SLC1A2: variants seen among roughly 807,000 people sequenced by gnomAD.
The protein encoded by SLC1A2 is excitatory amino acid transporter 2.
In SLC1A2, 15 loss-of-function variants were observed where a neutral mutation model predicts 48.8. That is an observed-to-expected ratio of 0.31 (90% CI 0.21 to 0.47). The LOEUF is 0.47. Ranked by LOEUF, SLC1A2 falls within the 20% of genes least tolerant of loss-of-function variation. SLC1A2 has a pLI of 0.99. For synonymous variants in SLC1A2, 279 were observed against 272.6 expected (o/e 1.02, Z -0.23); for missense variants, 502 against 730.5 (o/e 0.69, Z 3.61).
At chr11:35,404,930 T>C (rs1855239599) in intron 1 of SLC1A2, among the ~76,000 whole-genome samples, 1 of 152,178 alleles carries the variant, frequency 6.6e-6, no homozygotes, top group Non-Finnish European at 1.5e-5. Flanking sequence ...GCAGTTTGAG[T>C]GCCCTGGCTC....
intron 1 of SLC1A2, among the ~76,000 whole-genome samples, chr11:35,349,214 G>A (rs1444575469): frequency 6.6e-6 from 1 of 152,176 alleles, no homozygotes; most frequent in Non-Finnish European, 1.5e-5. Context: ...TTGAGGTGTG[G>A]ACGATACAGA....
In SLC1A2 at chr11:35,419,257, CGA is replaced by C. The variant is rs1280273934; in HGVS notation, c.-293_-292del. The C allele has an allele frequency of 5.3e-6, 2 of 379,634 alleles. No individual in the cohort carries two copies. Among genetic ancestry groups the C allele is most frequent in the African/African-American group, 4.2e-5 (2 of 47,132 alleles). The allele number at this position is 379,634 out of a possible 1,614,324, so 23.5% of individuals were successfully genotyped here. A position where few individuals can be genotyped will look rare whatever the true frequency, so the allele number is the denominator to read the frequency against. ...CCGGGGGCTCCGAGGGTGGCTTCCC[CGA>C]GAGAGCGATGCGCCCAGGGCTGCAG... On this transcript the variant is annotated 5_prime_UTR_variant, in exon 1 of 11. Transcript: ENST00000278379. This position sits in a 1 kb window ranked among gnomAD's most constrained non-coding sequence, Gnocchi z 5.4.
intron 1 of SLC1A2, among the ~76,000 whole-genome samples, chr11:35,327,428 A>C (rs1236412659): frequency 6.6e-6 from 1 of 152,218 alleles, no homozygotes; most frequent in African/African-American, 2.4e-5. Context: ...CATCTCCTTC[A>C]GATGAGGCAA....
chr11:35,419,360 G>C lies in SLC1A2; in HGVS notation c.-394C>G, dbSNP rs1033706728. 2.3e-5 allele frequency: 5 copies of C among 221,360 alleles called. No homozygotes were observed. Among genetic ancestry groups the C allele is most frequent in the Non-Finnish European group, 4.4e-5 (5 of 114,082 alleles). 13.7% of individuals were successfully genotyped at this position (221,360 alleles called of 1,614,324 possible). On this transcript the variant is annotated 5_prime_UTR_variant, in exon 1 of 11. Coordinates refer to ENST00000278379, the MANE Select transcript of SLC1A2 (RefSeq NM_004171.4). This position sits in a 1 kb window ranked among gnomAD's most constrained non-coding sequence, Gnocchi z 5.4. Reference sequence around the variant, plus strand: ...GCTGCGGGGCTCGCGGGCGCGGCGAGTGGCGGGAGCAGAGAGTGGTGGCAG... The same window carrying C: ...GCTGCGGGGCTCGCGGGCGCGGCGACTGGCGGGAGCAGAGAGTGGTGGCAG...
intron 1 of SLC1A2, among the ~76,000 whole-genome samples, chr11:35,329,063 G>A (rs1348325354): frequency 1.3e-5 from 2 of 152,134 alleles, no homozygotes; most frequent in Non-Finnish European, 2.9e-5. Flanking sequence ...ATATTATTCA[G>A]CACTGAAAAG....
chr11:35,316,173 T>A (rs956798964), intron 2 of SLC1A2: 2 of 152,212 alleles, frequency 1.3e-5, no homozygotes, highest in Non-Finnish European at 2.9e-5. Context: ...CTGGCAGGGA[T>A]CTTTCACTTT....
chr11:35,294,649 C>T (rs1373714657), intron 6 of SLC1A2, among the ~76,000 whole-genome samples: 1 of 152,140 alleles, frequency 6.6e-6, no homozygotes, highest in Admixed American at 6.5e-5. Flanking sequence ...GTTTGGGGTG[C>T]CATTCAATTT....
chr11:35,290,994 C>T (rs1307643876), intron 7 of SLC1A2, among the ~76,000 whole-genome samples: 1 of 152,124 alleles, frequency 6.6e-6, no homozygotes, highest in African/African-American at 2.4e-5. Flanking sequence ...TAAGGGAAAC[C>T]TGACTGACTG....
At chr11:35,300,162 T>A (rs539796474) in intron 6 of SLC1A2, among the ~76,000 whole-genome samples, 1 of 152,190 alleles carries the variant, frequency 6.6e-6, no homozygotes, top group South Asian at 2.1e-4. Context: ...GAAACAATAT[T>A]GCTTAGACGA....
At chr11:35,382,173 C>A (rs1387920309) in intron 1 of SLC1A2, among the ~76,000 whole-genome samples, 1 of 152,214 alleles carries the variant, frequency 6.6e-6, no homozygotes, top group Non-Finnish European at 1.5e-5. Context: ...CCCGTGGTAA[C>A]CACTCTGCAT....
At chr11:35,333,786 C>T (rs1248828215) in intron 1 of SLC1A2, among the ~76,000 whole-genome samples, 2 of 151,614 alleles carry the variant, frequency 1.3e-5, no homozygotes, top group South Asian at 2.1e-4. Flanking sequence ...CTCAGCCTCC[C>T]GAGTAGCTGG....
At chr11:35,272,930 C>G (rs570414025) in intron 9 of SLC1A2, among the ~76,000 whole-genome samples, 1 of 152,118 alleles carries the variant, frequency 6.6e-6, no homozygotes, top group Non-Finnish European at 1.5e-5. Context: ...AAACAAGTAC[C>G]AAGGTACTCT....
intron 1 of SLC1A2, chr11:35,392,226 T>G (rs1373444460): frequency 6.6e-6 from 1 of 152,216 alleles, no homozygotes; most frequent in Non-Finnish European, 1.5e-5. Context: ...CTTGCGTAAG[T>G]TTTTGTTTCC....
intron 1 of SLC1A2, among the ~76,000 whole-genome samples, chr11:35,369,019 C>T (rs988873255): frequency 1.3e-5 from 2 of 152,186 alleles, no homozygotes; most frequent in Non-Finnish European, 2.9e-5. Context: ...TAATTAAGCT[C>T]CACTTCAAAT....
At chr11:35,304,951 G>T (rs1021831682) in intron 5 of SLC1A2, among the ~76,000 whole-genome samples, 17 of 152,214 alleles carry the variant, frequency 1.1e-4, no homozygotes, top group African/African-American at 4.1e-4. Flanking sequence ...AAGGCCATGT[G>T]ATCTTTCAGA....
intron 4 of SLC1A2, among the ~76,000 whole-genome samples, chr11:35,308,360 G>A (rs993776699): frequency 3.3e-5 from 5 of 152,190 alleles, no homozygotes; most frequent in African/African-American, 4.8e-5. Context: ...AACGCAGGCC[G>A]AGTTCTCTGC....
intron 1 of SLC1A2, among the ~76,000 whole-genome samples, chr11:35,403,233 C>CA (rs1449122216): frequency 6.6e-6 from 1 of 152,210 alleles, no homozygotes; most frequent in African/African-American, 2.4e-5. Context: ...ATCTGAGTCT[C>CA]AGAGAGGCTA....
At chr11:35,316,666 GC>G (rs1163740202) in intron 2 of SLC1A2, 5 of 152,294 alleles carry the variant, frequency 3.3e-5, no homozygotes, top group Non-Finnish European at 7.3e-5. Flanking sequence ...AGTGAGAGCT[GC>G]AGAACAAGGG....
In SLC1A2 at chr11:35,292,456, C is replaced by T; in HGVS notation, c.922G>A (p.Val308Met). ...GKIIAIKDLE[V>M]VARQLGMYMV... is the part of the protein sequence containing the mutation. ...TACATCCCCAGTTGCCTAGCAACCA[C>T]TTCTAAGTCCTTGATTGCAATGATC... The change falls in exon 7 of 11, where the codon GTG becomes ATG. Residue 308 changes from valine (V) to methionine (M), a missense_variant. Val to Met is a conservative substitution (Grantham distance 21). Around this residue, in one of 4 missense-constraint regions of SLC1A2, gnomAD observed 309 missense variants for 480.3 expected, o/e 0.64. Coordinates refer to ENST00000278379, the MANE Select transcript of SLC1A2 (RefSeq NM_004171.4). 1 of 1,613,978 alleles carries T rather than the reference C, an allele frequency of 6.2e-7. No individual in the cohort carries two copies. Among genetic ancestry groups the T allele is most frequent in the Non-Finnish European group, 8.5e-7 (1 of 1,179,914 alleles).
Sources: gnomAD v4.1 joint callset for allele counts (sites outside exome capture counted in the v4.1 genomes callset) on GRCh38, gnomAD v4.1.1 for gene constraint, gnomAD v4.1.1 regional missense constraint, Gnocchi (gnomAD v3.1) non-coding constraint, MANE v1.5 for transcripts, NCBI Gene and HGNC (gene_info 2026-07-23, HGNC 2026-07-21) for gene names.